Variants in PTPRB observed in about 807,000 individuals in gnomAD.
PTPRB encodes receptor-type tyrosine-protein phosphatase beta.
In PTPRB, 97 loss-of-function variants were observed where a neutral mutation model predicts 238.1. The ratio of observed to expected loss-of-function variants is 0.41; its 90% CI spans 0.35 to 0.48. The LOEUF (loss-of-function observed/expected upper bound fraction) is 0.48. Among genes scored for constraint, PTPRB ranks in the 20% least tolerant of loss-of-function variants. The pLI is 0.30. For synonymous variants in PTPRB, 970 were observed against 995.4 expected (o/e 0.97, Z 0.48); for missense variants, 2,292 against 2,681.9 (o/e 0.85, Z 3.21).
intron 23 of PTPRB, 155 bp downstream of exon 23, chr12:70,540,703 G>T: frequency 3.2e-6 from 2 of 629,792 alleles, no homozygotes; most frequent in Non-Finnish European, 5.5e-6. Flanking sequence ...GTGAGTCATG[G>T]CTTTAGAGTT....
At chr12:70,611,214 A>G (rs192242437) in intron 3 of PTPRB, among the ~76,000 whole-genome samples, 30 of 152,336 alleles carry the variant, frequency 2.0e-4, no homozygotes, top group Admixed American at 3.9e-4. Flanking sequence ...ATTGTCTACT[A>G]TATCTACTGT....
chr12:70,584,258 T>A (rs768291876), intron 9 of PTPRB, among the ~76,000 whole-genome samples: 12 of 152,092 alleles, frequency 7.9e-5, no homozygotes, highest in Non-Finnish European at 1.8e-4. Flanking sequence ...ATGGAAAATA[T>A]GAAATATATT....
At chr12:70,525,323 C>T (rs556054017) in intron 32 of PTPRB, 2 of 152,136 alleles carry the variant, frequency 1.3e-5, no homozygotes, top group African/African-American at 4.8e-5. Context: ...AAAATCATTT[C>T]ACTGCATACT....
intron 10 of PTPRB, among the ~76,000 whole-genome samples, chr12:70,579,523 C>T (rs1024217509): frequency 2.0e-5 from 3 of 151,964 alleles, no homozygotes; most frequent in Non-Finnish European, 4.4e-5. Context: ...AAGCTGAAAC[C>T]CTGTTTCTAC....
chr12:70,533,856 T>G (rs1273858862), intron 31 of PTPRB, among the ~76,000 whole-genome samples: 3 of 152,218 alleles, frequency 2.0e-5, no homozygotes, highest in Admixed American at 6.5e-5. Context: ...GACTAAGCTC[T>G]CAACAGACAC....
rs1353894886 is a variant in PTPRB at position 70,560,941 on chromosome 12, C to A, written c.4169-7G>T. 6.2e-7 allele frequency: 1 copy of A among 1,609,282 alleles called. No individual in the cohort carries two copies. The highest frequency in any genetic ancestry group is 8.5e-7 in the Non-Finnish European group (1 of 1,176,650). On this transcript the variant is annotated splice_polypyrimidine_tract_variant and splice_region_variant and intron_variant, in intron 16 of 33. Coordinates refer to ENST00000334414, the MANE Select transcript of PTPRB (RefSeq NM_001109754.4). This position sits in a 1 kb window ranked among gnomAD's most constrained non-coding sequence, Gnocchi z 4.2. ...TGACTCACAGAGGCTGGGACTTAAACAGAAGAAAAATTGTTACTGAGAACA... is the reference window on the plus strand; with the variant it reads ...TGACTCACAGAGGCTGGGACTTAAAAAGAAGAAAAATTGTTACTGAGAACA...
chr12:70,576,427 T>C lies in PTPRB; in HGVS notation c.2797A>G (p.Arg933Gly), dbSNP rs763782718. The C allele has an allele frequency of 1.9e-6, 3 of 1,610,512 alleles. No individual in the cohort carries two copies. In the South Asian group the frequency reaches 3.3e-5, roughly 18 times the overall value. The change falls in exon 11 of 34, where the codon AGG (arginine) becomes GGG (glycine). Residue 933 changes from arginine (R) to glycine (G), a missense_variant. Arg to Gly is a moderately radical substitution (Grantham distance 125, BLOSUM62 -2). Around this residue, in one of 4 missense-constraint regions of PTPRB, gnomAD observed 1,205 missense variants for 1,287.8 expected, o/e 0.94. Transcript: ENST00000334414. ...GRLYTVTITT[R>G]SGKYENHSFS... is the part of the protein sequence containing the mutation. ...GAGTGATTTTCATACTTGCCACTCC[T>C]TGTAGTTATGGTCACGGTGTAGAGG...
intron 9 of PTPRB, among the ~76,000 whole-genome samples, chr12:70,586,109 C>T (rs374775409): frequency 4.6e-5 from 7 of 152,212 alleles, no homozygotes; most frequent in East Asian, 1.9e-4. Flanking sequence ...AATAAACATA[C>T]GTGTGCATGT....
chr12:70,536,044 T>C lies in PTPRB; in HGVS notation c.6062A>G (p.Gln2021Arg), dbSNP rs750114491. 1 of 1,613,616 alleles carries C rather than the reference T, an allele frequency of 6.2e-7. No individual in the cohort carries two copies. Among genetic ancestry groups the C allele is most frequent in the East Asian group, 2.2e-5 (1 of 44,886 alleles). The change falls in exon 29 of 34, where the codon CAG (glutamine) becomes CGG (arginine). Residue 2021 changes from glutamine to arginine, a missense_variant. Physicochemically the swap from Gln to Arg is conservative, Grantham distance 43. Coordinates refer to ENST00000334414, the MANE Select transcript of PTPRB (RefSeq NM_001109754.4). ...QNVHNIVMVT[Q>R]CVEKGRVKCD... ...ACTCACTCGGCCCTTCTCAACACAC[T>C]GGGTCACCATGACGATGTTGTGAAC...
At chr12:70,616,790 T>C (rs1279812327) in intron 3 of PTPRB, among the ~76,000 whole-genome samples, 1 of 152,222 alleles carries the variant, frequency 6.6e-6, no homozygotes, top group Non-Finnish European at 1.5e-5. Flanking sequence ...AGAGAAATAC[T>C]GTCATGTTAA....
intron 10 of PTPRB, 26 bp from the exon 11 acceptor site, chr12:70,576,671 G>GGGGT (rs1880775471): frequency 4.5e-5 from 11 of 243,884 alleles, no homozygotes; most frequent in African/African-American, 1.3e-4. Context: ...GTGGGGGGCG[G>GGGGT]GGGGGGGGGG....
At chr12:70,617,438 A>G (rs1884727490) in intron 3 of PTPRB, among the ~76,000 whole-genome samples, 1 of 152,160 alleles carries the variant, frequency 6.6e-6, no homozygotes, top group Non-Finnish European at 1.5e-5. Flanking sequence ...ATCCATTCAC[A>G]CTAGTCAATC....
In PTPRB at chr12:70,548,177, A is replaced by T. The variant is rs554253003; in HGVS notation, c.5388-3514T>A. Among the ~76,000 whole-genome samples the T allele has an allele frequency of 1.9e-4, 29 of 152,200 alleles. No individual in the cohort carries two copies. In the East Asian group the frequency reaches 1.9e-3, roughly 10 times the overall value. ...CCCCATCTCTATTAAAAATACAAAA[A>T]TTAGCCAGGCCCGTGTGATGCGTGC... On this transcript the variant is annotated intron_variant, in intron 21 of 33. Coordinates refer to ENST00000334414, the MANE Select transcript of PTPRB (RefSeq NM_001109754.4).
Position 70,553,000 on chromosome 12 carries a change from C to G in PTPRB, c.5164G>C (p.Glu1722Gln), listed in dbSNP as rs754596615. The change falls in exon 21 of 34, where the codon GAA becomes CAA. Residue 1722 changes from glutamate (E) to glutamine (Q), a missense_variant. Around this residue, in one of 4 missense-constraint regions of PTPRB, gnomAD observed 683 missense variants for 862.0 expected, o/e 0.79. Transcript: ENST00000334414. ...TAGGAAGGGAGAGGGTGCTGCTGTTCTGGCTTCAGCTCATCACTGCCTGGA... is the reference window on the plus strand; with the variant it reads ...TAGGAAGGGAGAGGGTGCTGCTGTTGTGGCTTCAGCTCATCACTGCCTGGA... ...EADGSDELKPEQQHPLPSYLE... is the reference protein window; with the variant it reads ...EADGSDELKPQQQHPLPSYLE... 18 of 1,613,820 alleles carry G rather than the reference C, an allele frequency of 1.1e-5. No individual in the cohort carries two copies. The highest frequency in any genetic ancestry group is 1.1e-4 in the African/African-American group (8 of 75,050).
rs751969070 is a variant in PTPRB at position 70,609,209 on chromosome 12, G to A, written c.839C>T (p.Thr280Ile). 1.2e-6 allele frequency: 2 copies of A among 1,614,058 alleles called. No individual in the cohort carries two copies. The highest frequency in any genetic ancestry group is 1.7e-6 in the Non-Finnish European group (2 of 1,179,896). Residue 280 changes from threonine to isoleucine, a missense_variant, in exon 4 of 34, where the codon ACC becomes ATC. Transcript: ENST00000334414. Reference sequence around the variant, plus strand: ...GGTAGGGCACAACGCGGCCCCCAGGGTGTCACTGCTATAGATGAGGCTAAA... The same window carrying A: ...GGTAGGGCACAACGCGGCCCCCAGGATGTCACTGCTATAGATGAGGCTAAA... The part of the protein sequence containing the change: ...CNFSLIYSSD[T>I]LGAALCPTFR...
intron 10 of PTPRB, among the ~76,000 whole-genome samples, chr12:70,580,014 A>C (rs1420471862): frequency 6.6e-6 from 1 of 152,104 alleles, no homozygotes; most frequent in Non-Finnish European, 1.5e-5. Flanking sequence ...TCCCACTAAT[A>C]ATTATCAAAG....
At chr12:70,523,157 C>G (rs1010353005) in intron 33 of PTPRB, among the ~76,000 whole-genome samples, 3 of 151,758 alleles carry the variant, frequency 2.0e-5, no homozygotes, top group Non-Finnish European at 4.4e-5. Flanking sequence ...CCACTATGCC[C>G]AACCTGTTTG....
chr12:70,630,218 C>T (rs1885386484), intron 2 of PTPRB, among the ~76,000 whole-genome samples: 1 of 152,192 alleles, frequency 6.6e-6, no homozygotes, highest in Non-Finnish European at 1.5e-5. Context: ...AGCTTATCCA[C>T]CACAACCAAG....
At chr12:70,611,979 CT>C (rs1233519904) in intron 3 of PTPRB, among the ~76,000 whole-genome samples, 5 of 152,172 alleles carry the variant, frequency 3.3e-5, no homozygotes, top group Non-Finnish European at 7.3e-5. Flanking sequence ...TTATAGGAGC[CT>C]TTTCCCAGTT....
Sources: gnomAD v4.1 joint callset for allele counts (sites outside exome capture counted in the v4.1 genomes callset) on GRCh38, gnomAD v4.1.1 for gene constraint, gnomAD v4.1.1 regional missense constraint, Gnocchi (gnomAD v3.1) non-coding constraint, MANE v1.5 for transcripts, NCBI Gene and HGNC (gene_info 2026-07-23, HGNC 2026-07-21) for gene names.